The following SLC8A1 variants were observed in gnomAD, a reference collection of about 807,000 sequenced individuals.
SLC8A1 encodes solute carrier family 8 member A1, also known as sodium/calcium exchanger 1.
Under a neutral mutation model 68.3 loss-of-function variants are expected in SLC8A1, and 18 were observed. The ratio of observed to expected loss-of-function variants is 0.26; its 90% CI spans 0.18 to 0.39. The LOEUF (loss-of-function observed/expected upper bound fraction) is 0.39. Ranked by LOEUF, SLC8A1 falls within the 10% of genes least tolerant of loss-of-function variation. SLC8A1 has a pLI of 1.00. For synonymous variants in SLC8A1, 475 were observed against 415.5 expected, an observed-to-expected ratio of 1.14 and a Z score of -1.74; for missense variants, 985 against 1,156.7, an observed-to-expected ratio of 0.85 and a Z score of 2.15.
intron 2 of SLC8A1, among the ~76,000 whole-genome samples, chr2:40,376,621 C>T (rs546361556): frequency 2.7e-5 from 4 of 147,188 alleles, no homozygotes; most frequent in East Asian, 3.9e-4. Context: ...GGAAAGTTCA[C>T]GCTGTGGCAG....
At chr2:40,360,539 C>A (rs924529813) in intron 2 of SLC8A1, among the ~76,000 whole-genome samples, 6 of 152,120 alleles carry the variant, frequency 3.9e-5, no homozygotes, top group Non-Finnish European at 8.8e-5. Flanking sequence ...CTGTTCTAAG[C>A]ACTTTGCTTG....
chr2:40,423,973 T>C (rs1457058379), intron 2 of SLC8A1, among the ~76,000 whole-genome samples: 1 of 152,010 alleles, frequency 6.6e-6, no homozygotes, highest in Admixed American at 6.6e-5. Flanking sequence ...ATTCAAATGC[T>C]AGTTATTCCA....
At chr2:40,341,371 G>C (rs1287830452) in intron 2 of SLC8A1, among the ~76,000 whole-genome samples, 1 of 152,154 alleles carries the variant, frequency 6.6e-6, no homozygotes, top group African/African-American at 2.4e-5. Context: ...ACTTGGCCCT[G>C]ACTAACTTCT....
chr2:40,446,841 G>C (rs1314192142), intron 1 of SLC8A1, among the ~76,000 whole-genome samples: 1 of 152,218 alleles, frequency 6.6e-6, no homozygotes, highest in Non-Finnish European at 1.5e-5. Flanking sequence ...ATTCAGACTA[G>C]TCCCTGGCAC....
At chr2:40,227,384 T>C (rs1288928622) in intron 2 of SLC8A1, among the ~76,000 whole-genome samples, 2 of 152,010 alleles carry the variant, frequency 1.3e-5, no homozygotes, top group Non-Finnish European at 2.9e-5. Flanking sequence ...TATACCCTAG[T>C]CATAGCATAT....
At chr2:40,139,555 G>A (rs1260624545) in exon 7 of SLC8A1, 7 of 1,614,052 alleles carry the variant, frequency 4.3e-6, no homozygotes, top group East Asian at 2.2e-5. Context: ...AGCCATTCCA[G>A]TATTCAGTAG....
At chr2:40,280,645 C>G (rs576679559) in intron 2 of SLC8A1, among the ~76,000 whole-genome samples, 3 of 152,278 alleles carry the variant, frequency 2.0e-5, no homozygotes, top group African/African-American at 7.2e-5. Flanking sequence ...CTTCTGGGGT[C>G]TTACACTTCA....
chr2:40,305,839 A>G (rs1375086302), intron 2 of SLC8A1, among the ~76,000 whole-genome samples: 2 of 152,100 alleles, frequency 1.3e-5, no homozygotes, highest in Non-Finnish European at 2.9e-5. Flanking sequence ...GACACTTAAA[A>G]TAAATATATT....
chr2:40,477,293 A>G (rs1045615879), intron 1 of SLC8A1, among the ~76,000 whole-genome samples: 2 of 152,184 alleles, frequency 1.3e-5, no homozygotes, highest in Admixed American at 6.5e-5. Context: ...TGTTGTAGTC[A>G]TGGATTGAGA....
intron 1 of SLC8A1, among the ~76,000 whole-genome samples, chr2:40,462,226 C>G (rs1262837040): frequency 6.6e-6 from 1 of 151,568 alleles, no homozygotes; most frequent in Non-Finnish European, 1.5e-5. Context: ...AGGCTGGTCT[C>G]AAACTCCTAA....
chr2:40,182,526 AT>A (rs1468471092), intron 2 of SLC8A1, among the ~76,000 whole-genome samples: 2 of 152,212 alleles, frequency 1.3e-5, no homozygotes, highest in African/African-American at 4.8e-5. Flanking sequence ...AGAAAGATCA[AT>A]TTATTCAGTG....
intron 2 of SLC8A1, among the ~76,000 whole-genome samples, chr2:40,267,115 G>A (rs1293078148): frequency 6.6e-6 from 1 of 152,142 alleles, no homozygotes; most frequent in African/African-American, 2.4e-5. Context: ...ATAAAAGAGG[G>A]CTGGTACCAC....
chr2:40,205,166 A>C (rs2055152205), intron 2 of SLC8A1, among the ~76,000 whole-genome samples: 1 of 152,090 alleles, frequency 6.6e-6, no homozygotes, highest in Non-Finnish European at 1.5e-5. Flanking sequence ...GTAATGTATA[A>C]TTATTAATAG....
intron 1 of SLC8A1, among the ~76,000 whole-genome samples, chr2:40,485,176 A>G (rs751026219): frequency 6.6e-6 from 1 of 152,114 alleles, no homozygotes; most frequent in African/African-American, 2.4e-5. Flanking sequence ...CTCCACCTTC[A>G]CGCCGCAGAC....
intron 2 of SLC8A1, 107 bp downstream of exon 3, chr2:40,178,280 G>C (rs1333335933): frequency 3.6e-6 from 3 of 838,876 alleles, no homozygotes; most frequent in South Asian, 1.4e-5. Context: ...TGTTACATAG[G>C]TGGAGGGATG....
chr2:40,394,442 AGTGTGT>A (rs376894379), intron 2 of SLC8A1, among the ~76,000 whole-genome samples: 1 of 151,070 alleles, frequency 6.6e-6, no homozygotes. Context: ...TTTTTCTGTT[AGTGTGT>A]GTGTGTGCGT....
At chr2:40,336,299 A>G (rs547725844) in intron 2 of SLC8A1, among the ~76,000 whole-genome samples, 1 of 152,334 alleles carries the variant, frequency 6.6e-6, no homozygotes, top group African/African-American at 2.4e-5. Flanking sequence ...ACCAATGTCC[A>G]GTATATCTTA....
chr2:40,385,238 G>A lies in SLC8A1; in HGVS notation c.1808+43235C>T, dbSNP rs117844272. Among the ~76,000 whole-genome samples, 66 of 152,076 alleles carry A rather than the reference G, an allele frequency of 4.3e-4. No individual in the cohort carries two copies. In the East Asian group the frequency reaches 0.012, roughly 28 times the overall value. ...ATGCAATAGGAATAATCCTAGTCTCGAGGAGGAAACTCCTTTTTTCTAATC... is the reference window on the plus strand; with the variant it reads ...ATGCAATAGGAATAATCCTAGTCTCAAGGAGGAAACTCCTTTTTTCTAATC... On this transcript the variant is annotated intron_variant, in intron 2 of 7. Coordinates refer to ENST00000406785, the Ensembl canonical transcript of SLC8A1.
chr2:40,290,970 C>CA (rs1183787204), intron 2 of SLC8A1, among the ~76,000 whole-genome samples: 1 of 152,182 alleles, frequency 6.6e-6, no homozygotes, highest in Non-Finnish European at 1.5e-5. Flanking sequence ...AAAGTCCCAT[C>CA]AGTGGGCAAA....
Sources: gnomAD v4.1 joint callset for allele counts (sites outside exome capture counted in the v4.1 genomes callset) on GRCh38, gnomAD v4.1.1 for gene constraint, MANE v1.5 for transcripts, NCBI Gene and HGNC (gene_info 2026-07-23, HGNC 2026-07-21) for gene names.